Variants in CLUL1 observed in about 807,000 individuals in gnomAD.
CLUL1 encodes clusterin like 1, also known as clusterin-like protein 1.
In CLUL1, 43 loss-of-function variants were observed where a neutral mutation model predicts 49.4. That is an observed-to-expected ratio of 0.87 (90% confidence interval 0.68 to 1.12). CLUL1 has a LOEUF of 1.12. Ranked by LOEUF, CLUL1 falls within the 50% of genes most tolerant of loss-of-function variation. The probability of loss-of-function intolerance (pLI) is 0.00; values close to 1 mark genes in which losing one functional copy is unlikely to be tolerated. For synonymous variants in CLUL1, 192 were observed against 184.9 expected (o/e 1.04, Z -0.31); for missense variants, 486 against 544.4 (o/e 0.89, Z 1.07).
Position 618,045 on chromosome 18 carries a change from G to T in CLUL1, c.45G>T (p.Leu15Phe). 2 of 1,614,178 alleles carry T rather than the reference G, an allele frequency of 1.2e-6. No individual in the cohort carries two copies. Among genetic ancestry groups the T allele is most frequent in the East Asian group, 2.2e-5 (1 of 44,886 alleles). The change falls in exon 3 of 10, where the codon TTG becomes TTT. Residue 15 changes from leucine to phenylalanine, a missense_variant. Coordinates refer to ENST00000692774, the MANE Select transcript of CLUL1 (RefSeq NM_001393344.1). The surrounding 1 kb of genome is among the most constrained non-coding windows in gnomAD (Gnocchi z 4.2). Reference protein sequence around the residue: ...LLVFIVCLLWLKDSHCAPTWK... With the variant: ...LLVFIVCLLWFKDSHCAPTWK... ...TGTTTATTGTGTGTCTGCTGTGGTT[G>T]AAAGACAGTCACTGCGCACCCACTT... is the stretch of plus-strand genomic sequence containing the variant.
At chr18:614,241 T>C (rs2073224553) in intron 2 of CLUL1, among the ~76,000 whole-genome samples, 1 of 151,656 alleles carries the variant, frequency 6.6e-6, no homozygotes, top group African/African-American at 2.4e-5. Flanking sequence ...TTATTGTGAA[T>C]AATTTTCTTT....
intron 2 of CLUL1, among the ~76,000 whole-genome samples, chr18:617,063 A>C (rs1322964886): frequency 1.3e-5 from 2 of 152,340 alleles, no homozygotes; most frequent in East Asian, 3.9e-4. Context: ...ATTCTAACTT[A>C]TTTAACTTTT....
chr18:597,197 A>G (rs761995908), intron 1 of CLUL1, 68 bp downstream of exon 1: 2 of 152,872 alleles, frequency 1.3e-5, no homozygotes, highest in South Asian at 2.1e-4. Flanking sequence ...GGAGAGCCAG[A>G]GAAAGCCGCT....
At chr18:612,491 C>T (rs1012136167) in intron 2 of CLUL1, among the ~76,000 whole-genome samples, 2 of 152,216 alleles carry the variant, frequency 1.3e-5, no homozygotes, top group African/African-American at 4.8e-5. Context: ...CGGTTTGGAT[C>T]TATTGTTGCC....
chr18:634,743 TCTC>T (rs751773407), intron 7 of CLUL1, among the ~76,000 whole-genome samples: 2 of 152,042 alleles, frequency 1.3e-5, no homozygotes, highest in Admixed American at 6.6e-5. Flanking sequence ...GAAAGTGGCT[TCTC>T]CTCCCAAGCC....
intron 4 of CLUL1, among the ~76,000 whole-genome samples, chr18:623,262 A>G (rs1232115498): frequency 6.6e-6 from 1 of 152,244 alleles, no homozygotes; most frequent in African/African-American, 2.4e-5. Flanking sequence ...CAAACTCCTG[A>G]CATCAGGTGA....
chr18:638,324 AAT>A (rs1230337299), intron 7 of CLUL1, among the ~76,000 whole-genome samples: 1 of 152,218 alleles, frequency 6.6e-6, no homozygotes, highest in African/African-American at 2.4e-5. Context: ...ACCCAGCTAA[AAT>A]AGTTTATTAA....
chr18:641,750 CACAA>C (rs1301085101), intron 8 of CLUL1, among the ~76,000 whole-genome samples: 1 of 152,152 alleles, frequency 6.6e-6, no homozygotes, highest in Non-Finnish European at 1.5e-5. Flanking sequence ...CAATTTAAAA[CACAA>C]AATACTTTCT....
At chr18:647,144 CTG>C (rs1405781733) in intron 9 of CLUL1, among the ~76,000 whole-genome samples, 2 of 151,562 alleles carry the variant, frequency 1.3e-5, no homozygotes, top group East Asian at 3.9e-4. Context: ...GGAGAGGAGA[CTG>C]TTCCAAAAGG....
chr18:618,107 G>A lies in CLUL1; in HGVS notation c.106+1G>A, dbSNP rs201985850. 313 of 1,608,454 alleles carry A rather than the reference G, an allele frequency of 1.9e-4. No homozygotes were observed. The highest frequency in any genetic ancestry group is 2.5e-4 in the Non-Finnish European group (295 of 1,174,986). On this transcript the variant is annotated splice_donor_variant, in intron 3 of 9. Transcript: ENST00000692774. LOFTEE classifies it high-confidence loss of function. The surrounding 1 kb of genome is among the most constrained non-coding windows in gnomAD (Gnocchi z 4.2). Reference sequence around the variant, plus strand: ...ACTGCTATCAGTGAAAACCTGAAGAGTACGTTTGGTTTCTTATCTGTGCTG... The same window carrying A: ...ACTGCTATCAGTGAAAACCTGAAGAATACGTTTGGTTTCTTATCTGTGCTG...
At chr18:614,661 G>C (rs533748035) in intron 2 of CLUL1, 1 of 152,340 alleles carries the variant, frequency 6.6e-6, no homozygotes, top group South Asian at 2.1e-4. Flanking sequence ...AGGAGAACTC[G>C]TTAGAGATTT....
At chr18:633,995 T>C (rs1389598767) in intron 7 of CLUL1, among the ~76,000 whole-genome samples, 1 of 152,202 alleles carries the variant, frequency 6.6e-6, no homozygotes, top group Admixed American at 6.5e-5. Flanking sequence ...TAACAATTTT[T>C]TAGGGTTTCT....
chr18:625,689 C>T (rs1275389157), intron 5 of CLUL1, among the ~76,000 whole-genome samples: 1 of 152,126 alleles, frequency 6.6e-6, no homozygotes, highest in African/African-American at 2.4e-5. Flanking sequence ...AGCTCTGCCC[C>T]ACTAACGGCT....
chr18:646,476 G>T (rs1248752291), intron 9 of CLUL1, among the ~76,000 whole-genome samples: 1 of 144,756 alleles, frequency 6.9e-6, no homozygotes, highest in Admixed American at 7.2e-5. Context: ...CTATCCAACA[G>T]GGGCACAAGA....
intron 7 of CLUL1, among the ~76,000 whole-genome samples, chr18:641,043 T>G (rs568339438): frequency 5.3e-5 from 8 of 152,160 alleles, no homozygotes; most frequent in African/African-American, 1.9e-4. Flanking sequence ...TTTTGGCAAA[T>G]TTTTTCTTAA....
chr18:620,432 T>C lies in CLUL1; in HGVS notation c.255+1071T>C, dbSNP rs111718745. On this transcript the variant is annotated intron_variant, in intron 4 of 9. Coordinates refer to ENST00000692774, the MANE Select transcript of CLUL1 (RefSeq NM_001393344.1). ...TAGTGAAGGTTACTTTAGTTAAAACTAGATAATAAAATCCATCAGTCTACC... is the reference window on the plus strand; with the variant it reads ...TAGTGAAGGTTACTTTAGTTAAAACCAGATAATAAAATCCATCAGTCTACC... 4.0e-3 allele frequency among the ~76,000 whole-genome samples: 604 copies of C among 152,206 alleles called. 6 individuals are homozygous for C. Among genetic ancestry groups the C allele is most frequent in the African/African-American group, 0.014 (569 of 41,532 alleles).
At chr18:636,801 A>G (rs2074151561) in intron 7 of CLUL1, among the ~76,000 whole-genome samples, 1 of 150,564 alleles carries the variant, frequency 6.6e-6, no homozygotes, top group Non-Finnish European at 1.5e-5. Context: ...ACTTTGTTGT[A>G]TTTTTAGTAG....
intron 9 of CLUL1, 51 bp downstream of exon 9, chr18:645,148 C>T (rs777584901): frequency 7.3e-7 from 1 of 1,374,442 alleles, no homozygotes; most frequent in South Asian, 1.7e-5. Context: ...ATAGTTAATT[C>T]TCAAAAGGGA....
rs2073391066 is a variant in CLUL1 at position 618,906 on chromosome 18, A to T, written c.107-307A>T. 6.6e-6 allele frequency among the ~76,000 whole-genome samples: 1 copy of T among 152,168 alleles called. No homozygotes were observed. Among genetic ancestry groups the T allele is most frequent in the Admixed American group, 6.5e-5 (1 of 15,270 alleles). On this transcript the variant is annotated intron_variant, in intron 3 of 9. Coordinates refer to ENST00000692774, the MANE Select transcript of CLUL1 (RefSeq NM_001393344.1). The surrounding 1 kb of genome is among the most constrained non-coding windows in gnomAD (Gnocchi z 4.2). ...AAATGCAAAATTTTCTCTAATATAA[A>T]CACACTTGAGTCTTAAATGAAAGAA... is the stretch of plus-strand genomic sequence containing the variant.
Sources: allele counts gnomAD v4.1 joint callset (sites outside exome capture counted in the v4.1 genomes callset), GRCh38; gene constraint gnomAD v4.1.1; non-coding constraint Gnocchi (gnomAD v3.1); transcripts MANE v1.5; gene names NCBI Gene and HGNC (gene_info 2026-07-23, HGNC 2026-07-21).